Variants in MYO5A observed in about 807,000 individuals in gnomAD.
The protein encoded by MYO5A is unconventional myosin-Va.
In MYO5A, 98 loss-of-function variants were observed where a neutral mutation model predicts 249.7. The ratio of observed to expected loss-of-function variants is 0.39; its 90% CI spans 0.33 to 0.46. MYO5A has a LOEUF of 0.46. Among genes scored for constraint, MYO5A ranks in the 20% least tolerant of loss-of-function variants. The pLI, the probability that MYO5A is intolerant of heterozygous loss-of-function variation, is 0.98. For missense variants in MYO5A, 1,696 were observed against 2,308.8 expected (o/e 0.73, Z 5.44); for synonymous variants, 778 against 810.6 (o/e 0.96, Z 0.68).
chr15:52,394,495 GAGA>G (rs1030067830), intron 11 of MYO5A, among the ~76,000 whole-genome samples: 49 of 152,328 alleles, frequency 3.2e-4, no homozygotes, highest in African/African-American at 1.1e-3. Context: ...GCTTGAGGTG[GAGA>G]AGATGTATAC....
At chr15:52,365,283 G>T (rs1386322203) in intron 23 of MYO5A, among the ~76,000 whole-genome samples, 3 of 152,172 alleles carry the variant, frequency 2.0e-5, no homozygotes, top group African/African-American at 7.2e-5. Flanking sequence ...GGCCTGGCCA[G>T]CTGTGTTGTG....
chr15:52,420,101 T>C (rs2043716016), intron 4 of MYO5A, among the ~76,000 whole-genome samples: 1 of 151,966 alleles, frequency 6.6e-6, no homozygotes, highest in Non-Finnish European at 1.5e-5. Context: ...AGCTTAGGAA[T>C]TTGAGACCAG....
chr15:52,499,064 T>C (rs147386718), intron 1 of MYO5A, among the ~76,000 whole-genome samples: 1 of 152,284 alleles, frequency 6.6e-6, no homozygotes, highest in Non-Finnish European at 1.5e-5. Flanking sequence ...CAAGGCAAAA[T>C]TGTGATGTGA....
At chr15:52,504,103 C>A (rs2077215468) in intron 1 of MYO5A, among the ~76,000 whole-genome samples, 2 of 119,056 alleles carry the variant, frequency 1.7e-5, no homozygotes, top group South Asian at 5.3e-4. Context: ...TCTCTTCTTT[C>A]CCCCACTGAA....
chr15:52,467,598 A>G (rs2141436458), intron 1 of MYO5A, among the ~76,000 whole-genome samples: 1 of 152,338 alleles, frequency 6.6e-6, no homozygotes, highest in African/African-American at 2.4e-5. Context: ...CTGAAAACCT[A>G]TTTAAGGAAA....
At chr15:52,440,266 C>T (rs1206357294) in intron 1 of MYO5A, among the ~76,000 whole-genome samples, 16 of 143,810 alleles carry the variant, frequency 1.1e-4, no homozygotes, top group Non-Finnish European at 1.6e-5. Context: ...TTTTTTTTTT[C>T]TTTTTCTTTT....
At chr15:52,421,277 C>G (rs900370498) in intron 4 of MYO5A, among the ~76,000 whole-genome samples, 2 of 152,010 alleles carry the variant, frequency 1.3e-5, no homozygotes, top group African/African-American at 4.8e-5. Context: ...AACCAAATGA[C>G]GGAAGGGGCC....
chr15:52,340,146 T>C, intron 32 of MYO5A, 50 bp downstream of exon 32: 1 of 1,597,896 alleles, frequency 6.3e-7, no homozygotes, highest in Non-Finnish European at 8.6e-7. Context: ...GAAACTAGAC[T>C]GTCGGGCAGG....
At chr15:52,483,265 G>A (rs2076750972) in intron 1 of MYO5A, among the ~76,000 whole-genome samples, 1 of 152,140 alleles carries the variant, frequency 6.6e-6, no homozygotes, top group African/African-American at 2.4e-5. Flanking sequence ...CACATCAAAA[G>A]GCCCTTACGA....
chr15:52,476,706 T>G lies in MYO5A; in HGVS notation c.28-43421A>C, dbSNP rs573916670. Among the ~76,000 whole-genome samples the G allele has an allele frequency of 6.6e-5, 10 of 152,340 alleles. No homozygotes were observed. In the South Asian group the frequency reaches 2.1e-3, roughly 32 times the overall value. On this transcript the variant is annotated intron_variant, in intron 1 of 41. Coordinates refer to ENST00000399233, the MANE Select transcript of MYO5A (RefSeq NM_001382347.1). The stretch of plus-strand genomic sequence containing the variant: ...GCTTGAAAATTCTTTTCTTTAAGAT[T>G]GTTGAATATTGGTCCCCACTCTCTT...
chr15:52,310,199 A>G lies in MYO5A; in HGVS notation c.*3497T>C, dbSNP rs1267321418. ...ATGTTTTTGTGCTTCTGCACCTGAC[A>G]AAAGAAGCATCAGATATGTGGAAAT... On this transcript the variant is annotated 3_prime_UTR_variant, in exon 42 of 42. Transcript: ENST00000399233. 1 of 152,222 alleles carries G rather than the reference A, an allele frequency of 6.6e-6. No homozygotes were observed. Among genetic ancestry groups the G allele is most frequent in the Non-Finnish European group, 1.5e-5 (1 of 68,040 alleles). The allele number at this position is 152,222 out of a possible 1,614,324, so 9.4% of individuals were successfully genotyped here. A position where few individuals can be genotyped will look rare whatever the true frequency, so the allele number is the denominator to read the frequency against.
rs78444843 is a variant in MYO5A, at chr15:52,402,255, G to A, written c.1053+3032C>T. Among the ~76,000 whole-genome samples, 1,254 of 152,262 alleles carry A rather than the reference G, an allele frequency of 8.2e-3. 19 individuals carry two copies. Among genetic ancestry groups the A allele is most frequent in the African/African-American group, 0.029 (1,192 of 41,562 alleles). On this transcript the variant is annotated intron_variant, in intron 9 of 41. Transcript: ENST00000399233. ...GAATATGTGTGAGAGTCAGTTTGTT[G>A]TTATAAATTTTTAGGGAGCTAGTTT...
At chr15:52,372,882 AC>A (rs1311758830) in intron 20 of MYO5A, among the ~76,000 whole-genome samples, 1 of 152,052 alleles carries the variant, frequency 6.6e-6, no homozygotes, top group Non-Finnish European at 1.5e-5. Context: ...GTGCATGAGG[AC>A]ACGGGGTATG....
chr15:52,378,024 C>T (rs866296394), intron 18 of MYO5A, among the ~76,000 whole-genome samples: 8 of 152,132 alleles, frequency 5.3e-5, no homozygotes, highest in African/African-American at 1.4e-4. Flanking sequence ...ATAAAGTTTA[C>T]ATTGGAAACC....
intron 9 of MYO5A, among the ~76,000 whole-genome samples, chr15:52,401,843 TC>T (rs1287756326): frequency 6.6e-6 from 1 of 152,238 alleles, no homozygotes; most frequent in African/African-American, 2.4e-5. Flanking sequence ...TTTCAAGTGC[TC>T]TGTCTTTGGG....
intron 9 of MYO5A, among the ~76,000 whole-genome samples, chr15:52,405,062 C>T (rs1446516897): frequency 7.5e-6 from 1 of 132,582 alleles, no homozygotes; most frequent in Admixed American, 6.9e-5. Context: ...CACACACACA[C>T]ACACACACAC....
chr15:52,383,567 C>T (rs1306382700), intron 15 of MYO5A, among the ~76,000 whole-genome samples: 1 of 152,124 alleles, frequency 6.6e-6, no homozygotes, highest in East Asian at 1.9e-4. Context: ...TAGCAGATGA[C>T]TTAAAAGAGT....
At chr15:52,476,541 T>A (rs1474918242) in intron 1 of MYO5A, among the ~76,000 whole-genome samples, 1 of 152,234 alleles carries the variant, frequency 6.6e-6, no homozygotes, top group Admixed American at 6.5e-5. Context: ...TGGTTGTTCC[T>A]TTCCATGTTT....
intron 1 of MYO5A, among the ~76,000 whole-genome samples, chr15:52,480,296 A>G (rs1489161503): frequency 6.6e-6 from 1 of 152,218 alleles, no homozygotes; most frequent in Admixed American, 6.5e-5. Context: ...CACCATCTAC[A>G]ATTTGATCTA....
Sources: allele counts gnomAD v4.1 joint callset (sites outside exome capture counted in the v4.1 genomes callset), GRCh38; gene constraint gnomAD v4.1.1; transcripts MANE v1.5; gene names NCBI Gene and HGNC (gene_info 2026-07-23, HGNC 2026-07-21).